Variants in STXBP5L observed in about 807,000 individuals in gnomAD.
STXBP5L encodes syntaxin binding protein 5L, also known as syntaxin-binding protein 5-like.
A neutral mutation model predicts 144.5 loss-of-function variants in STXBP5L; 65 were observed. The ratio of observed to expected loss-of-function variants is 0.45; its 90% CI spans 0.37 to 0.55. The LOEUF is 0.55. Ranked by LOEUF, STXBP5L falls within the 20% of genes least tolerant of loss-of-function variation. The pLI is 0.00. For missense variants in STXBP5L, 1,298 were observed against 1,405.5 expected (o/e 0.92, Z 1.22); for synonymous variants, 505 against 469.6 (o/e 1.08, Z -0.97).
chr3:120,974,641 G>A lies in STXBP5L; in HGVS notation c.287+19604G>A, dbSNP rs189844403. ...ACATGCCTATGTCCTGAATGTTAAT[G>A]CGTAGGTTTTCTTCTAGGGTTTTTA... On this transcript the variant is annotated intron_variant, in intron 3 of 26. Coordinates refer to ENST00000471454, the MANE Select transcript of STXBP5L (RefSeq NM_001308330.2). Among the ~76,000 whole-genome samples, 196 of 152,300 alleles carry A rather than the reference G, an allele frequency of 1.3e-3. 1 individual carries two copies. The highest frequency in any genetic ancestry group is 4.5e-3 in the African/African-American group (188 of 41,574).
At chr3:121,367,428 T>C (rs1406949430) in intron 20 of STXBP5L, among the ~76,000 whole-genome samples, 1 of 152,082 alleles carries the variant, frequency 6.6e-6, no homozygotes, top group Non-Finnish European at 1.5e-5. Context: ...TGAAATTTTT[T>C]TTCCTCTTAG....
chr3:121,418,550 C>T lies in STXBP5L; in HGVS notation c.3440C>T (p.Ala1147Val). The stretch of plus-strand genomic sequence containing the variant: ...AGTGCAGAAGCATTTTCCAAACATG[C>T]ACATGAGGTAAACTGCCTAAGTAAA... ...MTSAEAFSKH[A>V]HELMLKYKDK... Residue 1147 changes from alanine to valine, a missense_variant, in exon 26 of 27, where the codon GCA becomes GTA. Ala to Val is a moderately conservative substitution (Grantham distance 64). Coordinates refer to ENST00000471454, the MANE Select transcript of STXBP5L (RefSeq NM_001308330.2). 1 of 1,613,752 alleles carries T rather than the reference C, an allele frequency of 6.2e-7. No individual in the cohort carries two copies. The highest frequency in any genetic ancestry group is 8.5e-7 in the Non-Finnish European group (1 of 1,179,844).
intron 14 of STXBP5L, among the ~76,000 whole-genome samples, chr3:121,245,537 A>G (rs541269703): frequency 1.3e-5 from 2 of 152,258 alleles, no homozygotes; most frequent in African/African-American, 4.8e-5. Flanking sequence ...AAGTAGAACT[A>G]TATGCTGCCT....
At chr3:121,158,979 G>T in intron 9 of STXBP5L, 1 of 151,892 alleles carries the variant, frequency 6.6e-6, no homozygotes, top group African/African-American at 2.4e-5. Context: ...CATCAGCCTT[G>T]ATGTCTTTTA....
At chr3:121,233,396 C>A (rs1464515684) in intron 11 of STXBP5L, among the ~76,000 whole-genome samples, 1 of 152,094 alleles carries the variant, frequency 6.6e-6, no homozygotes, top group Non-Finnish European at 1.5e-5. Context: ...TTATACTATG[C>A]TACTTTTAAT....
chr3:121,138,754 T>C (rs2045367588), intron 7 of STXBP5L, among the ~76,000 whole-genome samples: 1 of 151,996 alleles, frequency 6.6e-6, no homozygotes, highest in Non-Finnish European at 1.5e-5. Context: ...ATTAAAAAAT[T>C]AAAATAGATT....
intron 9 of STXBP5L, among the ~76,000 whole-genome samples, chr3:121,185,906 A>C (rs1156752566): frequency 2.6e-5 from 4 of 152,186 alleles, no homozygotes; most frequent in Admixed American, 2.6e-4. Flanking sequence ...CATTTTCACA[A>C]TATTGATTCT....
intron 2 of STXBP5L, among the ~76,000 whole-genome samples, chr3:120,950,304 C>T (rs1019171195): frequency 6.6e-6 from 1 of 152,010 alleles, no homozygotes; most frequent in Admixed American, 6.6e-5. Context: ...TGTCTTGGCA[C>T]TCTTTTCAAA....
chr3:120,944,313 A>C (rs1027771016), intron 2 of STXBP5L, among the ~76,000 whole-genome samples: 1 of 151,638 alleles, frequency 6.6e-6, no homozygotes, highest in African/African-American at 2.4e-5. Flanking sequence ...AGGAAATGGG[A>C]GAGGGAAGGA....
At chr3:120,938,798 A>C (rs2107644845) in intron 2 of STXBP5L, among the ~76,000 whole-genome samples, 1 of 152,074 alleles carries the variant, frequency 6.6e-6, no homozygotes, top group South Asian at 2.1e-4. Flanking sequence ...TTTTCTTCTT[A>C]GAGACAGAGG....
At chr3:121,292,539 G>T (rs995544435) in intron 19 of STXBP5L, among the ~76,000 whole-genome samples, 1 of 152,108 alleles carries the variant, frequency 6.6e-6, no homozygotes, top group Non-Finnish European at 1.5e-5. Context: ...CCACCACTGG[G>T]TATCTACCCA....
At chr3:121,022,840 T>G (rs542421272) in intron 3 of STXBP5L, among the ~76,000 whole-genome samples, 22 of 152,112 alleles carry the variant, frequency 1.4e-4, no homozygotes, top group African/African-American at 5.1e-4. Flanking sequence ...CCCTGAGAAC[T>G]GGAAAAAGAT....
intron 20 of STXBP5L, among the ~76,000 whole-genome samples, chr3:121,355,581 T>G (rs2045478178): frequency 6.6e-6 from 1 of 152,188 alleles, no homozygotes; most frequent in South Asian, 2.1e-4. Flanking sequence ...TATTTAGCAT[T>G]TCTTCTAACC....
At chr3:120,960,406 G>A (rs1367400031) in intron 3 of STXBP5L, among the ~76,000 whole-genome samples, 2 of 152,052 alleles carry the variant, frequency 1.3e-5, no homozygotes, top group Admixed American at 6.6e-5. Flanking sequence ...ATCCCATTAC[G>A]GGGTATATAC....
intron 5 of STXBP5L, among the ~76,000 whole-genome samples, chr3:121,065,064 G>T (rs886440404): frequency 4.9e-5 from 6 of 121,244 alleles, no homozygotes; most frequent in South Asian, 2.4e-4. Flanking sequence ...GGCTGCAAAG[G>T]TTGTGATTTT....
chr3:121,014,324 A>G (rs918183650), intron 3 of STXBP5L, among the ~76,000 whole-genome samples: 1 of 151,828 alleles, frequency 6.6e-6, no homozygotes, highest in Non-Finnish European at 1.5e-5. Flanking sequence ...TCTTACATCA[A>G]CATCCACCGT....
chr3:120,970,261 C>CT (rs1466076654), intron 3 of STXBP5L, among the ~76,000 whole-genome samples: 2 of 151,912 alleles, frequency 1.3e-5, no homozygotes, highest in Admixed American at 6.6e-5. Context: ...CTGAATTAGT[C>CT]TTTTTTTCTT....
At chr3:121,212,998 C>T (rs954821304) in intron 10 of STXBP5L, among the ~76,000 whole-genome samples, 28 of 151,996 alleles carry the variant, frequency 1.8e-4, no homozygotes, top group Admixed American at 3.3e-4. Flanking sequence ...AGTTCACTCA[C>T]GATTTGGCTC....
intron 20 of STXBP5L, among the ~76,000 whole-genome samples, chr3:121,320,335 G>A (rs1400721904): frequency 5.3e-5 from 8 of 151,504 alleles, no homozygotes; most frequent in Admixed American, 4.6e-4. Flanking sequence ...GCTAATTTTT[G>A]TATATTGAGC....
Sources: gnomAD v4.1 joint callset for allele counts (sites outside exome capture counted in the v4.1 genomes callset) on GRCh38, gnomAD v4.1.1 for gene constraint, MANE v1.5 for transcripts, NCBI Gene and HGNC (gene_info 2026-07-23, HGNC 2026-07-21) for gene names.